Variants in UBTD2 observed in about 807,000 individuals in gnomAD.
UBTD2 encodes ubiquitin domain containing 2, also known as ubiquitin domain-containing protein 2.
A neutral mutation model predicts 19.8 loss-of-function variants in UBTD2; 9 were observed. The observed-to-expected ratio is 0.46, with a 90% CI of 0.27 to 0.79. The LOEUF is 0.79. UBTD2 is among the 30% of genes least tolerant of loss of function. The pLI is 0.14. For missense variants in UBTD2, 250 were observed against 300.4 expected (o/e 0.83, Z 1.24); for synonymous variants, 98 against 103.9 (o/e 0.94, Z 0.35).
rs190113780 is a variant in UBTD2, at chr5:172,210,429, G to C, written c.*1401C>G. 5 of 152,172 alleles carry C rather than the reference G, an allele frequency of 3.3e-5. No homozygotes were observed. In the East Asian group the frequency reaches 9.6e-4, roughly 29 times the overall value. 9.4% of individuals were successfully genotyped at this position (152,172 alleles called of 1,614,324 possible). A position where few individuals can be genotyped will look rare whatever the true frequency, so the allele number is the denominator to read the frequency against. On this transcript the variant is annotated 3_prime_UTR_variant, in exon 3 of 3. Coordinates refer to ENST00000393792, the MANE Select transcript of UBTD2 (RefSeq NM_152277.3). ...CTCATGGATTCTCAGGGGCACAGTG[G>C]TCACATGTTAGCCCCCCTTCTCACT... is the stretch of plus-strand genomic sequence containing the variant.
In UBTD2 at chr5:172,211,936, G is replaced by C. The variant is rs1249923464; in HGVS notation, c.599C>G (p.Pro200Arg). 2.5e-6 allele frequency: 4 copies of C among 1,614,016 alleles called. No homozygotes were observed. Residue 200 changes from proline to arginine, a missense_variant, in exon 3 of 3, where the codon CCT becomes CGT. Coordinates refer to ENST00000393792, the MANE Select transcript of UBTD2 (RefSeq NM_152277.3). ...GSQRWFFSGRPLTDKMKFEEL... is the reference protein window; with the variant it reads ...GSQRWFFSGRRLTDKMKFEEL... ...TTCGAACTTCATTTTGTCAGTGAGA[G>C]GTCTGCCAGAAAAAAACCACCGCTG... is the stretch of plus-strand genomic sequence containing the variant.
upstream of UBTD2, chr5:172,283,809 C>G (rs1215245641): frequency 1.4e-5 from 5 of 358,468 alleles, no homozygotes; most frequent in East Asian, 1.3e-4. The surrounding 1 kb of genome is among the most constrained non-coding windows in gnomAD (Gnocchi z 4.3). Flanking sequence ...CCTCCGCCCC[C>G]CTCGCCGCTC....
chr5:172,270,415 T>C (rs1258521745), intron 1 of UBTD2, among the ~76,000 whole-genome samples: 1 of 141,512 alleles, frequency 7.1e-6, no homozygotes, highest in Non-Finnish European at 1.5e-5. Flanking sequence ...CGGAGTGCAA[T>C]GGTGCGATCT....
intron 1 of UBTD2, among the ~76,000 whole-genome samples, chr5:172,265,283 C>G (rs1755353353): frequency 6.6e-6 from 1 of 152,192 alleles, no homozygotes; most frequent in Non-Finnish European, 1.5e-5. Flanking sequence ...AGGAACCAGT[C>G]AGTAATAAAA....
intron 1 of UBTD2, among the ~76,000 whole-genome samples, chr5:172,269,942 T>C (rs938269529): frequency 1.8e-4 from 28 of 151,518 alleles, no homozygotes; most frequent in Non-Finnish European, 5.9e-5. Flanking sequence ...CTGGGCATGG[T>C]TGCGCATGCC....
chr5:172,248,047 T>G (rs1469900988), intron 1 of UBTD2, among the ~76,000 whole-genome samples: 1 of 151,970 alleles, frequency 6.6e-6, no homozygotes, highest in Non-Finnish European at 1.5e-5. Context: ...ATAAAAAAAC[T>G]AATACACTCA....
At chr5:172,222,839 C>T (rs1771680448) in intron 2 of UBTD2, among the ~76,000 whole-genome samples, 1 of 152,158 alleles carries the variant, frequency 6.6e-6, no homozygotes. Flanking sequence ...CTTAATACTA[C>T]AGGAAATTAC....
In UBTD2 at chr5:172,283,091, T is replaced by C. The variant is rs1450532313; in HGVS notation, c.70+505A>G. ...AGCTCCAGAAACTCGCAGGTTTAAATGGCCAATCTGGAACCAACCGGGGCA... is the reference window on the plus strand; with the variant it reads ...AGCTCCAGAAACTCGCAGGTTTAAACGGCCAATCTGGAACCAACCGGGGCA... On this transcript the variant is annotated intron_variant, in intron 1 of 2. Coordinates refer to ENST00000393792, the MANE Select transcript of UBTD2 (RefSeq NM_152277.3). This position sits in a 1 kb window ranked among gnomAD's most constrained non-coding sequence, Gnocchi z 4.3. Among the ~76,000 whole-genome samples, 1 of 152,038 alleles carries C rather than the reference T, an allele frequency of 6.6e-6. No individual in the cohort carries two copies. Among genetic ancestry groups the C allele is most frequent in the Non-Finnish European group, 1.5e-5 (1 of 68,012 alleles).
chr5:172,265,331 G>A (rs181480410), intron 1 of UBTD2, among the ~76,000 whole-genome samples: 134 of 152,202 alleles, frequency 8.8e-4, no homozygotes, highest in Admixed American at 4.2e-3. Context: ...AATTAAAGCC[G>A]AGTAGTAAAC....
intron 1 of UBTD2, among the ~76,000 whole-genome samples, chr5:172,273,556 G>A (rs189890858): frequency 3.1e-5 from 4 of 129,664 alleles, no homozygotes; most frequent in African/African-American, 9.3e-5. Context: ...GTACCACTGC[G>A]CTCCAGCCTG....
At chr5:172,239,565 C>T (rs375732614) in intron 1 of UBTD2, among the ~76,000 whole-genome samples, 25 of 151,994 alleles carry the variant, frequency 1.6e-4, no homozygotes, top group East Asian at 1.2e-3. Flanking sequence ...GGATTACAGG[C>T]GCCTGCCACC....
intron 2 of UBTD2, among the ~76,000 whole-genome samples, chr5:172,233,747 C>T (rs1238314352): frequency 7.7e-6 from 1 of 129,306 alleles, no homozygotes; most frequent in East Asian, 2.5e-4. Flanking sequence ...TCTAGCGCTG[C>T]TAGGAGGAAA....
At position 172,211,711 on chromosome 5, in the gene UBTD2, A is replaced by G. The variant is rs1217268070; in HGVS notation, c.*119T>C. The G allele has an allele frequency of 8.7e-7, 1 of 1,144,910 alleles. No individual in the cohort carries two copies. Among genetic ancestry groups the G allele is most frequent in the African/African-American group, 1.6e-5 (1 of 64,314 alleles). The allele number at this position is 1,144,910 out of a possible 1,614,324, so 70.9% of individuals were successfully genotyped here. On this transcript the variant is annotated 3_prime_UTR_variant, in exon 3 of 3. Transcript: ENST00000393792. Reference sequence around the variant, plus strand: ...TTTTCACTGGTAATTCCTCAGAACTAAATCCATTCATAGGGAATTTAGAGC... The same window carrying G: ...TTTTCACTGGTAATTCCTCAGAACTGAATCCATTCATAGGGAATTTAGAGC...
chr5:172,239,265 C>A (rs868738583), intron 1 of UBTD2, among the ~76,000 whole-genome samples: 1 of 152,126 alleles, frequency 6.6e-6, no homozygotes, highest in African/African-American at 2.4e-5. Flanking sequence ...ATAATCACCC[C>A]GTACTAGAAC....
chr5:172,251,658 C>T (rs1001927792), intron 1 of UBTD2, among the ~76,000 whole-genome samples: 2 of 151,132 alleles, frequency 1.3e-5, no homozygotes, highest in Non-Finnish European at 2.9e-5. Context: ...CCAAGAATAC[C>T]ATAACCAGCA....
At chr5:172,234,101 C>T in intron 2 of UBTD2, 21 bp downstream of exon 2, 1 of 1,610,318 alleles carries the variant, frequency 6.2e-7, no homozygotes, top group Non-Finnish European at 8.5e-7. Flanking sequence ...TTCCTCTGTC[C>T]TTGAGGAACA....
chr5:172,261,116 G>A (rs1193516319), intron 1 of UBTD2, among the ~76,000 whole-genome samples: 1 of 152,134 alleles, frequency 6.6e-6, no homozygotes, highest in African/African-American at 2.4e-5. Flanking sequence ...ACCACTGTAG[G>A]TTCCCCCTCC....
At chr5:172,215,002 G>A (rs1317045828) in intron 2 of UBTD2, among the ~76,000 whole-genome samples, 1 of 152,122 alleles carries the variant, frequency 6.6e-6, no homozygotes, top group African/African-American at 2.4e-5. Context: ...AGACAGGCAG[G>A]GTAATACAGA....
chr5:172,257,714 TA>T (rs1480417147), intron 1 of UBTD2, among the ~76,000 whole-genome samples: 1 of 152,232 alleles, frequency 6.6e-6, no homozygotes, highest in East Asian at 1.9e-4. Context: ...TATATTTTTT[TA>T]AAACACAAGA....
Sources: allele counts gnomAD v4.1 joint callset (sites outside exome capture counted in the v4.1 genomes callset), GRCh38; gene constraint gnomAD v4.1.1; non-coding constraint Gnocchi (gnomAD v3.1); transcripts MANE v1.5; gene names NCBI Gene and HGNC (gene_info 2026-07-23, HGNC 2026-07-21).